The following MPDZ variants were observed in gnomAD, a reference collection of about 807,000 sequenced individuals.
The protein encoded by MPDZ is multiple PDZ domain protein.
MPDZ carries 234 observed loss-of-function variants against 239.1 expected under a neutral mutation model. The observed-to-expected ratio is 0.98, with a 90% CI of 0.88 to 1.09. The LOEUF (loss-of-function observed/expected upper bound fraction) is 1.09. Among genes scored for constraint, MPDZ ranks in the 50% least tolerant of loss-of-function variants. The probability of loss-of-function intolerance (pLI) is 0.00; values close to 1 mark genes in which losing one functional copy is unlikely to be tolerated. For missense variants in MPDZ, 3,175 were observed against 2,510.0 expected, an observed-to-expected ratio of 1.26 and a Z score of -5.66; for synonymous variants, 1,048 against 881.3, an observed-to-expected ratio of 1.19 and a Z score of -3.35.
intron 12 of MPDZ, among the ~76,000 whole-genome samples, chr9:13,201,736 T>C (rs1956413209): frequency 1.3e-5 from 2 of 152,132 alleles, no homozygotes; most frequent in South Asian, 4.1e-4. Flanking sequence ...TTTGGCTTAC[T>C]GTATTATTTA....
chr9:13,211,506 T>A (rs1341911112), intron 10 of MPDZ, among the ~76,000 whole-genome samples: 1 of 152,080 alleles, frequency 6.6e-6, no homozygotes, highest in East Asian at 1.9e-4. Flanking sequence ...GGATTTAAAA[T>A]TCAAACTAAG....
chr9:13,219,316 G>A (rs1420672697), intron 8 of MPDZ, among the ~76,000 whole-genome samples: 1 of 151,844 alleles, frequency 6.6e-6, no homozygotes, highest in Non-Finnish European at 1.5e-5. Flanking sequence ...TCATAAATAT[G>A]CTGCTTAAAT....
chr9:13,144,966 T>A (rs1013570114), intron 26 of MPDZ, among the ~76,000 whole-genome samples: 1 of 152,112 alleles, frequency 6.6e-6, no homozygotes, highest in African/African-American at 2.4e-5. Context: ...TCTCCATACA[T>A]TGGACTTTCA....
chr9:13,215,360 C>A (rs1199964328), intron 10 of MPDZ, among the ~76,000 whole-genome samples: 1 of 149,752 alleles, frequency 6.7e-6, no homozygotes, highest in South Asian at 2.1e-4. Flanking sequence ...ATATATATAT[C>A]AATATGTGTG....
chr9:13,210,342 G>C (rs1039314960), intron 10 of MPDZ, among the ~76,000 whole-genome samples: 1 of 151,568 alleles, frequency 6.6e-6, no homozygotes, highest in Non-Finnish European at 1.5e-5. Flanking sequence ...TAAACTAGGT[G>C]GTAAAGAACT....
At chr9:13,110,528 A>C in intron 44 of MPDZ, 108 bp downstream of exon 44, 1 of 771,580 alleles carries the variant, frequency 1.3e-6, no homozygotes, top group Non-Finnish European at 2.2e-6. Context: ...GAGAAATATT[A>C]AATAAAATAA....
At chr9:13,138,274 G>C in intron 28 of MPDZ, 121 bp from the exon 29 acceptor site, 1 of 1,127,354 alleles carries the variant, frequency 8.9e-7, no homozygotes, top group Non-Finnish European at 1.2e-6. Flanking sequence ...TGTACGCTTT[G>C]ACAGTTAAAA....
At chr9:13,110,205 A>T (rs1586852020) in intron 44 of MPDZ, 141 bp from the exon 45 acceptor site, 1 of 652,254 alleles carries the variant, frequency 1.5e-6, no homozygotes, top group East Asian at 2.7e-5. Context: ...AAATACAACC[A>T]AAGAGAATGA....
chr9:13,229,718 T>C (rs1402251442), intron 3 of MPDZ, among the ~76,000 whole-genome samples: 7 of 151,970 alleles, frequency 4.6e-5, no homozygotes, highest in African/African-American at 4.8e-5. Context: ...GAAAGTATTA[T>C]AGTACAAAAA....
chr9:13,161,122 TTA>T (rs1950436707), intron 23 of MPDZ, among the ~76,000 whole-genome samples: 2 of 151,764 alleles, frequency 1.3e-5, no homozygotes, highest in Admixed American at 1.3e-4. Context: ...TTCCTTCCCT[TTA>T]TTAAACAAAT....
Position 13,133,870 on chromosome 9 carries a change from A to C in MPDZ, c.4418T>G (p.Val1473Gly). Residue 1473 changes from valine (V) to glycine (G), a missense_variant, in exon 32 of 47, where the codon GTG becomes GGG. Physicochemically the swap from Val to Gly is moderately radical, Grantham distance 109. Coordinates refer to ENST00000319217, the MANE Select transcript of MPDZ (RefSeq NM_001378778.1). Reference protein sequence around the residue: ...EPTVTTSDAAVDLSSFKNVQH... With the variant: ...EPTVTTSDAAGDLSSFKNVQH... ...CACATTTTTAAATGAACTGAGGTCC[A>C]CAGCTGCATCAGAAGTAGTAACAGT... 1 of 1,600,516 alleles carries C rather than the reference A, an allele frequency of 6.2e-7. No individual in the cohort carries two copies. The highest frequency in any genetic ancestry group is 8.5e-7 in the Non-Finnish European group (1 of 1,172,316).
At chr9:13,207,794 T>A (rs1299246724) in intron 10 of MPDZ, among the ~76,000 whole-genome samples, 1 of 152,206 alleles carries the variant, frequency 6.6e-6, no homozygotes, top group East Asian at 1.9e-4. Flanking sequence ...GTCCATACTA[T>A]AGATATTAAA....
chr9:13,195,907 A>G (rs1955575253), intron 13 of MPDZ, among the ~76,000 whole-genome samples: 1 of 152,190 alleles, frequency 6.6e-6, no homozygotes, highest in African/African-American at 2.4e-5. Flanking sequence ...GCAAGTTTCA[A>G]AACTTCCATC....
chr9:13,222,404 A>G lies in MPDZ; in HGVS notation c.576T>C (p.Asn192=), dbSNP rs1959181521. ...TAATTGTCTGATCAAGAGCCTGTCCATTGATAGCAAGAATTTGATCAGTTT... is the reference window on the plus strand; with the variant it reads ...TAATTGTCTGATCAAGAGCCTGTCCGTTGATAGCAAGAATTTGATCAGTTT... ...LKETDQILAI[N]GQALDQTITH... The change falls in exon 6 of 47, where the codon AAT becomes AAC. Residue 192 remains asparagine, a synonymous_variant. Coordinates refer to ENST00000319217, the MANE Select transcript of MPDZ (RefSeq NM_001378778.1). The G allele has an allele frequency of 1.2e-6, 2 of 1,612,664 alleles. No homozygotes were observed. The highest frequency in any genetic ancestry group is 1.7e-6 in the Non-Finnish European group (2 of 1,179,168).
chr9:13,201,005 G>C (rs1956321242), intron 12 of MPDZ, among the ~76,000 whole-genome samples: 1 of 151,766 alleles, frequency 6.6e-6, no homozygotes, highest in South Asian at 2.1e-4. Flanking sequence ...CTGAAAGTAG[G>C]GTGCAGAAGT....
chr9:13,252,587 C>T (rs1034795158), intron 1 of MPDZ, among the ~76,000 whole-genome samples: 16 of 122,458 alleles, frequency 1.3e-4, no homozygotes, highest in Admixed American at 3.3e-4. Context: ...AAAAAAAAAT[C>T]GGGCTGGGCA....
At chr9:13,128,654 C>T (rs1041692920) in intron 32 of MPDZ, among the ~76,000 whole-genome samples, 3 of 152,312 alleles carry the variant, frequency 2.0e-5, no homozygotes, top group East Asian at 3.9e-4. Context: ...GTTTGAACAA[C>T]TGAAGTCAAT....
At chr9:13,107,535 C>T (rs1009162480) in intron 46 of MPDZ, among the ~76,000 whole-genome samples, 2 of 152,148 alleles carry the variant, frequency 1.3e-5, no homozygotes, top group African/African-American at 4.8e-5. Flanking sequence ...AGGACAAGGG[C>T]TTGGGGGATG....
chr9:13,199,343 T>C lies in MPDZ; in HGVS notation c.1547-3113A>G, dbSNP rs944444012. On this transcript the variant is annotated intron_variant, in intron 12 of 46. Coordinates refer to ENST00000319217, the MANE Select transcript of MPDZ (RefSeq NM_001378778.1). ...TGTGGTGTATGCTACTTATTTTTTA[T>C]GTTGAGTATGTATCCTGCAACTTTA... 3.9e-5 allele frequency among the ~76,000 whole-genome samples: 6 copies of C among 152,120 alleles called. No individual in the cohort carries two copies. The East Asian group carries it at 5.8e-4, about 15-fold the overall frequency.
Sources: gnomAD v4.1 joint callset for allele counts (sites outside exome capture counted in the v4.1 genomes callset) on GRCh38, gnomAD v4.1.1 for gene constraint, MANE v1.5 for transcripts, NCBI Gene and HGNC (gene_info 2026-07-23, HGNC 2026-07-21) for gene names.